Variants in LRRK2 observed in about 807,000 individuals in gnomAD.
LRRK2 encodes leucine rich repeat kinase 2.
A neutral mutation model predicts 302.6 loss-of-function variants in LRRK2; 203 were observed. The ratio of observed to expected loss-of-function variants is 0.67; its 90% CI spans 0.60 to 0.75. The LOEUF is 0.75. LRRK2 is among the 30% of genes least tolerant of loss of function. LRRK2 has a pLI of 0.00. For missense variants in LRRK2, 2,830 were observed against 2,951.0 expected (o/e 0.96, Z 0.95); for synonymous variants, 1,066 against 1,031.9 (o/e 1.03, Z -0.63).
chr12:40,274,143 T>C (rs938224094), intron 14 of LRRK2, among the ~76,000 whole-genome samples: 1 of 152,214 alleles, frequency 6.6e-6, no homozygotes, highest in Non-Finnish European at 1.5e-5. Context: ...TAATTATCAA[T>C]ATTTTATTTG....
rs530052706 is a variant in LRRK2 at position 40,288,034 on chromosome 12, A to AC, written c.2689+495_2689+496insC. On this transcript the variant is annotated intron_variant, in intron 20 of 50. Coordinates refer to ENST00000298910, the MANE Select transcript of LRRK2 (RefSeq NM_198578.4). ...GCTCACTTGAGATAACTTTTTAAAA[A>AC]ATTAATATGGTGAAATATATAATGA... Among the ~76,000 whole-genome samples, 134 of 152,050 alleles carry AC rather than the reference A, an allele frequency of 8.8e-4. 1 individual carries two copies. The highest frequency in any genetic ancestry group is 3.4e-3 in the Middle Eastern group (1 of 294).
chr12:40,266,171 G>T (rs1414198434), intron 14 of LRRK2, among the ~76,000 whole-genome samples: 1 of 152,080 alleles, frequency 6.6e-6, no homozygotes, highest in Non-Finnish European at 1.5e-5. Flanking sequence ...TTAAACTAAA[G>T]AGCTTCTGCA....
chr12:40,254,892 G>A (rs980978970), intron 11 of LRRK2, among the ~76,000 whole-genome samples: 34 of 152,188 alleles, frequency 2.2e-4, no homozygotes, highest in Admixed American at 1.6e-3. Context: ...TGAGTAGCTC[G>A]TTCATCAACT....
chr12:40,259,108 C>T (rs1942654843), intron 12 of LRRK2, among the ~76,000 whole-genome samples: 1 of 152,140 alleles, frequency 6.6e-6, no homozygotes, highest in African/African-American at 2.4e-5. Context: ...GGGTACCAGC[C>T]TTGTCTCTGT....
chr12:40,363,152 T>C (rs1278587550), intron 47 of LRRK2, among the ~76,000 whole-genome samples: 3 of 151,984 alleles, frequency 2.0e-5, no homozygotes, highest in Admixed American at 1.3e-4. Flanking sequence ...AAGTAAACAT[T>C]GGACATAATC....
chr12:40,235,793 G>GTGTT (rs1555173379), intron 4 of LRRK2, 79 bp downstream of exon 4: 7 of 464,438 alleles, frequency 1.5e-5, no homozygotes, highest in South Asian at 6.5e-5. Flanking sequence ...GTGTGTGTGT[G>GTGTT]TTTTTTTTTT....
chr12:40,256,726 A>G (rs1051425446), intron 11 of LRRK2, among the ~76,000 whole-genome samples: 1 of 152,234 alleles, frequency 6.6e-6, no homozygotes, highest in Admixed American at 6.5e-5. Context: ...CAAGCCTTTT[A>G]CAGCCCCTTC....
chr12:40,346,640 T>A, intron 41 of LRRK2, 113 bp from the exon 42 acceptor site: 1 of 975,488 alleles, frequency 1.0e-6, no homozygotes, highest in South Asian at 1.4e-5. Context: ...ACAGCCTGGT[T>A]TAGAACATCT....
At chr12:40,248,246 C>T (rs1479257111) in intron 7 of LRRK2, among the ~76,000 whole-genome samples, 4 of 152,142 alleles carry the variant, frequency 2.6e-5, no homozygotes, top group Non-Finnish European at 4.4e-5. Context: ...TGTGAATTCA[C>T]CTTAATTTCT....
chr12:40,304,176 T>C, intron 27 of LRRK2, 42 bp downstream of exon 27: 1 of 1,577,672 alleles, frequency 6.3e-7, no homozygotes, highest in Non-Finnish European at 8.7e-7. Flanking sequence ...CTTTATGATT[T>C]GCATCATTAC....
chr12:40,332,237 A>G (rs578056208), intron 39 of LRRK2, among the ~76,000 whole-genome samples: 38 of 152,236 alleles, frequency 2.5e-4, no homozygotes, highest in African/African-American at 9.1e-4. Context: ...TTCCCCCTGA[A>G]CTAAAGTCCA....
chr12:40,234,187 A>T (rs186028564), intron 3 of LRRK2, among the ~76,000 whole-genome samples: 8 of 152,204 alleles, frequency 5.3e-5, no homozygotes, highest in Admixed American at 5.2e-4. Flanking sequence ...CCAAATGGAG[A>T]TTATGCAACG....
intron 18 of LRRK2, among the ~76,000 whole-genome samples, chr12:40,278,961 A>G (rs1444065868): frequency 1.3e-5 from 2 of 152,070 alleles, no homozygotes; most frequent in Admixed American, 1.3e-4. Flanking sequence ...TGTGAAAATA[A>G]CAGTGTACAG....
chr12:40,265,829 G>A, intron 14 of LRRK2, among the ~76,000 whole-genome samples: 1 of 152,054 alleles, frequency 6.6e-6, no homozygotes, highest in Non-Finnish European at 1.5e-5. Context: ...ACAGAACAGA[G>A]CCCTCAGAAA....
At chr12:40,344,301 T>C (rs994504029) in intron 41 of LRRK2, among the ~76,000 whole-genome samples, 2 of 152,214 alleles carry the variant, frequency 1.3e-5, no homozygotes, top group Non-Finnish European at 2.9e-5. Flanking sequence ...AACATTTAAA[T>C]AGTTTTTGAA....
At position 40,239,624 on chromosome 12, in the gene LRRK2, G is replaced by A. The variant is rs557222849; in HGVS notation, c.572-859G>A. Reference sequence around the variant, plus strand: ...AGTAGAAAAATTTCTGATTTTTCCAGGAGTATCAGGTTCTCCAGGACTCAG... The same window carrying A: ...AGTAGAAAAATTTCTGATTTTTCCAAGAGTATCAGGTTCTCCAGGACTCAG... On this transcript the variant is annotated intron_variant, in intron 5 of 50. Transcript: ENST00000298910. Among the ~76,000 whole-genome samples the A allele has an allele frequency of 3.3e-5, 5 of 152,180 alleles. No homozygotes were observed. The South Asian group carries it at 1.0e-3, about 32-fold the overall frequency.
intron 6 of LRRK2, among the ~76,000 whole-genome samples, chr12:40,241,981 C>A (rs190382669): frequency 4.6e-4 from 70 of 152,224 alleles, no homozygotes; most frequent in Non-Finnish European, 7.4e-4. Flanking sequence ...TATACTTTTT[C>A]CTTGGCTATA....
At chr12:40,321,931 T>C in intron 35 of LRRK2, 104 bp from the exon 36 acceptor site, 1 of 1,155,960 alleles carries the variant, frequency 8.7e-7, no homozygotes, top group South Asian at 1.3e-5. Flanking sequence ...CAATACTTTA[T>C]TTCAAAATGA....
chr12:40,291,018 A>G (rs887093811), intron 20 of LRRK2, among the ~76,000 whole-genome samples: 21 of 152,184 alleles, frequency 1.4e-4, no homozygotes, highest in African/African-American at 4.8e-4. Flanking sequence ...ATTTAAAAAA[A>G]TTTAATTTCC....
Sources: gnomAD v4.1 joint callset for allele counts (sites outside exome capture counted in the v4.1 genomes callset) on GRCh38, gnomAD v4.1.1 for gene constraint, MANE v1.5 for transcripts, NCBI Gene and HGNC (gene_info 2026-07-23, HGNC 2026-07-21) for gene names.